The following MED24 variants were observed in gnomAD, a reference collection of about 807,000 sequenced individuals.
The protein encoded by MED24 is mediator complex subunit 24.
Under a neutral mutation model 118.8 loss-of-function variants are expected in MED24, and 74 were observed. That is an observed-to-expected ratio of 0.62 (90% CI 0.52 to 0.76). The LOEUF (loss-of-function observed/expected upper bound fraction) is 0.76, where lower values mean the gene tolerates loss of function less well. MED24 is among the 30% of genes least tolerant of loss of function. The pLI is 0.00. For missense variants in MED24, 1,041 were observed against 1,278.9 expected (o/e 0.81, Z 2.84); for synonymous variants, 521 against 523.9 (o/e 0.99, Z 0.08).
At chr17:40,044,418 G>A (rs1984926727) in intron 3 of MED24, among the ~76,000 whole-genome samples, 1 of 151,952 alleles carries the variant, frequency 6.6e-6, no homozygotes, top group African/African-American at 2.4e-5. Flanking sequence ...TACTCGGGAG[G>A]CTGAGGCAGG....
chr17:40,035,852 C>T, intron 4 of MED24, 57 bp from the exon 5 acceptor site: 3 of 1,524,648 alleles, frequency 2.0e-6, no homozygotes, highest in Non-Finnish European at 2.7e-6. Flanking sequence ...CCAGGTCTCA[C>T]ATGAGGCAGA....
intron 3 of MED24, 33 bp from the exon 4 acceptor site, chr17:40,036,187 A>T: frequency 1.9e-6 from 3 of 1,590,136 alleles, no homozygotes; most frequent in Non-Finnish European, 2.6e-6. Flanking sequence ...ATCTTTAGAC[A>T]ACTAGTCTCC....
chr17:40,026,816 C>T (rs757444295), intron 17 of MED24, 40 bp downstream of exon 17: 3 of 1,610,910 alleles, frequency 1.9e-6, no homozygotes, highest in South Asian at 1.1e-5. Context: ...TTGACCCTGC[C>T]CCCACCGCCA....
intron 15 of MED24, 89 bp downstream of exon 15, chr17:40,027,820 G>T: frequency 7.1e-7 from 1 of 1,402,814 alleles, no homozygotes; most frequent in Non-Finnish European, 1.0e-6. Flanking sequence ...TCCCCCTGTT[G>T]AGCTGGGGAG....
Position 40,032,070 on chromosome 17 carries a change from C to T in MED24, c.957G>A (p.Lys319=), listed in dbSNP as rs1445805466. The change falls in exon 10 of 26, where the codon AAG becomes AAA. Residue 319 remains lysine (K), a synonymous_variant. Coordinates refer to ENST00000394128, the MANE Select transcript of MED24 (RefSeq NM_014815.4). The stretch of plus-strand genomic sequence containing the variant: ...TGTCTCCATGAGAGTACTTCTTCAA[C>T]TTCACCAAAACCTGTGGAATCTAGG... ...TFLKIPQVLV[K]LKKYSHGDKD... The T allele has an allele frequency of 3.7e-6, 6 of 1,613,664 alleles. No homozygotes were observed. Among genetic ancestry groups the T allele is most frequent in the Non-Finnish European group, 5.1e-6 (6 of 1,179,884 alleles).
At chr17:40,025,976 G>T (rs9916158) in intron 19 of MED24, among the ~76,000 whole-genome samples, 180 bp downstream of exon 19, 52,325 of 152,048 alleles carry the variant, frequency 0.34, 9,463 homozygotes, top group Middle Eastern at 0.5. Context: ...AAACGCTTCT[G>T]CCACAGAGAC....
Position 40,022,425 on chromosome 17 carries a change from C to T in MED24, c.2492G>A (p.Arg831His), listed in dbSNP as rs745781592. The T allele has an allele frequency of 5.6e-6, 9 of 1,610,408 alleles. No individual in the cohort carries two copies. The highest frequency in any genetic ancestry group is 1.7e-5 in the Admixed American group (1 of 59,374). Residue 831 changes from arginine to histidine, a missense_variant, in exon 22 of 26, where the codon CGC becomes CAC. By Grantham distance (29) the Arg-to-His change is conservative. This residue lies in a region of MED24 where 587 missense variants were observed against 694.4 expected (regional missense o/e 0.85). Transcript: ENST00000394128. ...YSSHKGQAST[R>H]QKKRHREDIE... is the part of the protein sequence containing the mutation. ...GTCTTCGCGGTGTCTCTTCTTCTGGCGGGTGGACGCCTGTCCCTTGTGGGA... is the reference window on the plus strand; with the variant it reads ...GTCTTCGCGGTGTCTCTTCTTCTGGTGGGTGGACGCCTGTCCCTTGTGGGA...
At chr17:40,050,819 C>G (rs903523394) in intron 3 of MED24, among the ~76,000 whole-genome samples, 2 of 152,108 alleles carry the variant, frequency 1.3e-5, no homozygotes, top group East Asian at 3.9e-4. Flanking sequence ...GATTTCACCA[C>G]GATGCAATGT....
At chr17:40,046,865 G>C (rs530092199) in intron 3 of MED24, among the ~76,000 whole-genome samples, 5 of 152,166 alleles carry the variant, frequency 3.3e-5, no homozygotes, top group African/African-American at 7.2e-5. Flanking sequence ...ATACCAGCCT[G>C]GGCAACAAAG....
chr17:40,035,181 C>T lies in MED24; in HGVS notation c.495G>A (p.Leu165=), dbSNP rs780884668. The stretch of plus-strand genomic sequence containing the variant: ...TCTTGGTGCTGCTGAGGGTTTTCTC[C>T]AGGCGCTGAAGGCACATGGCAAGCT... ...EKQLAMCLQR[L]EKTLSSTKNR... Residue 165 remains leucine (L), a synonymous_variant, in exon 6 of 26, where the codon CTG becomes CTA. Coordinates refer to ENST00000394128, the MANE Select transcript of MED24 (RefSeq NM_014815.4). 1.2e-6 allele frequency: 2 copies of T among 1,614,034 alleles called. No homozygotes were observed. The highest frequency in any genetic ancestry group is 1.3e-5 in the African/African-American group (1 of 74,920).
intron 19 of MED24, among the ~76,000 whole-genome samples, chr17:40,024,634 A>G (rs1982430775): frequency 6.6e-6 from 1 of 152,274 alleles, no homozygotes; most frequent in African/African-American, 2.4e-5. Context: ...CCATGTTCAC[A>G]GCAGCACTAT....
At chr17:40,029,602 C>T in intron 13 of MED24, 146 bp downstream of exon 13, 1 of 717,868 alleles carries the variant, frequency 1.4e-6, no homozygotes. Context: ...GCTGCCCTTG[C>T]CTCCCCTTTC....
intron 23 of MED24, 109 bp downstream of exon 23, chr17:40,021,844 CCT>C: frequency 2.5e-6 from 2 of 791,194 alleles, no homozygotes; most frequent in South Asian, 1.7e-5. Flanking sequence ...CCTGCCACAC[CCT>C]CTCTGACCAG....
At chr17:40,031,088 C>T (rs567437590) in intron 12 of MED24, 71 bp downstream of exon 12, 43 of 1,447,906 alleles carry the variant, frequency 3.0e-5, no homozygotes, top group South Asian at 1.1e-4. Context: ...TTGAAAGGCA[C>T]GCAGCAGCCC....
chr17:40,053,052 A>T (rs1986011511), intron 3 of MED24, among the ~76,000 whole-genome samples: 1 of 152,092 alleles, frequency 6.6e-6, no homozygotes, highest in African/African-American at 2.4e-5. Flanking sequence ...CTCCCACCTC[A>T]GCCTTCCAAG....
intron 14 of MED24, 156 bp from the exon 15 acceptor site, chr17:40,028,102 TTTTTG>T (rs765701528): frequency 1.1e-5 from 8 of 741,080 alleles, no homozygotes; most frequent in African/African-American, 1.8e-5. Context: ...GTTTTTGTGG[TTTTTG>T]TTTTTTGTTT....
At position 40,028,830 on chromosome 17, in the gene MED24, T is replaced by C. The variant is rs957972699; in HGVS notation, c.1405A>G (p.Ile469Val). The C allele has an allele frequency of 1.2e-6, 2 of 1,613,892 alleles. No individual in the cohort carries two copies. Among genetic ancestry groups the C allele is most frequent in the African/African-American group, 2.7e-5 (2 of 75,042 alleles). The change falls in exon 14 of 26, where the codon ATC (isoleucine) becomes GTC (valine). Residue 469 changes from isoleucine to valine, a missense_variant. Ile to Val is a conservative substitution (Grantham distance 29, BLOSUM62 3). This residue lies in a region of MED24 where 587 missense variants were observed against 694.4 expected (regional missense o/e 0.85). Transcript: ENST00000394128. ...GKLKSFARKFINLNEFTTYGS... is the reference protein window; with the variant it reads ...GKLKSFARKFVNLNEFTTYGS... ...CAGGGGCTTGGCCTTCCTCACTTGA[T>C]GAATTTCCGGGCGAAGGATTTCAGC...
chr17:40,035,265 G>A lies in MED24; in HGVS notation c.411C>T (p.Ala137=). ...ALHWLLRCTA[A]SAERLREGLE... is the part of the protein sequence containing the mutation. ...GCCCCTCCCGCAGCCGCTCTGCAGA[G>A]GCTGCCGTGCAGCGCAGCAGCCAGT... Residue 137 remains alanine, a synonymous_variant, in exon 6 of 26, where the codon GCC becomes GCT. Transcript: ENST00000394128. 1 of 1,613,822 alleles carries A rather than the reference G, an allele frequency of 6.2e-7. No homozygotes were observed. Among genetic ancestry groups the A allele is most frequent in the Non-Finnish European group, 8.5e-7 (1 of 1,179,922 alleles).
At chr17:40,021,013 C>T (rs1981918248) in intron 23 of MED24, among the ~76,000 whole-genome samples, 1 of 152,142 alleles carries the variant, frequency 6.6e-6, no homozygotes, top group East Asian at 1.9e-4. Flanking sequence ...GCGGAGGTTG[C>T]AGTAAGCTGA....
Sources: gnomAD v4.1 joint callset for allele counts (sites outside exome capture counted in the v4.1 genomes callset) on GRCh38, gnomAD v4.1.1 for gene constraint, gnomAD v4.1.1 regional missense constraint, MANE v1.5 for transcripts, NCBI Gene and HGNC (gene_info 2026-07-23, HGNC 2026-07-21) for gene names.